The following MCF2L2 variants were observed in gnomAD, a reference collection of about 807,000 sequenced individuals.
MCF2L2 encodes the protein MCF.2 cell line derived transforming sequence-like 2.
In MCF2L2, 102 loss-of-function variants were observed where a neutral mutation model predicts 150.2. The ratio of observed to expected loss-of-function variants is 0.68; its 90% CI spans 0.58 to 0.80. MCF2L2 has a LOEUF of 0.80. Ranked by LOEUF, MCF2L2 falls within the 30% of genes least tolerant of loss-of-function variation. The pLI, the probability that MCF2L2 is intolerant of heterozygous loss-of-function variation, is 0.00. For synonymous variants in MCF2L2, 465 were observed against 491.3 expected, an observed-to-expected ratio of 0.95 and a Z score of 0.71; for missense variants, 1,256 against 1,372.8, an observed-to-expected ratio of 0.91 and a Z score of 1.34.
chr3:183,338,967 T>C (rs750289964), intron 4 of MCF2L2, 48 bp from the exon 5 acceptor site: 1 of 1,569,722 alleles, frequency 6.4e-7, no homozygotes, highest in Non-Finnish European at 8.7e-7. Context: ...AAATGTCATA[T>C]TCGTTACCAG....
chr3:183,367,967 T>G (rs996715443), intron 3 of MCF2L2, among the ~76,000 whole-genome samples: 1 of 152,238 alleles, frequency 6.6e-6, no homozygotes, highest in African/African-American at 2.4e-5. Flanking sequence ...GAAAACTGCA[T>G]GACATGGTGG....
At position 183,207,622 on chromosome 3, in the gene MCF2L2, T is replaced by TG; in HGVS notation, c.2697dup (p.Lys900GlnfsTer20). On this transcript the variant is annotated frameshift_variant, in exon 23 of 30. Coordinates refer to ENST00000328913, the MANE Select transcript of MCF2L2 (RefSeq NM_015078.4). LOFTEE classifies it high-confidence loss of function. ...ACTCCCTTTACCTTCATGGTCTTCT[T>TG]GAAGCTGTAATGAGGAGATAATCCC... The TG allele has an allele frequency of 6.2e-7, 1 of 1,613,718 alleles. No individual in the cohort carries two copies. The highest frequency in any genetic ancestry group is 1.6e-4 in the Middle Eastern group (1 of 6,062).
At chr3:183,322,174 C>A (rs911324764) in intron 6 of MCF2L2, among the ~76,000 whole-genome samples, 120 of 152,332 alleles carry the variant, frequency 7.9e-4, no homozygotes, top group African/African-American at 2.8e-3. Flanking sequence ...GAGTTTTGAT[C>A]TTTTTCCTCA....
At chr3:183,343,531 C>T (rs964103382) in intron 3 of MCF2L2, among the ~76,000 whole-genome samples, 6 of 152,084 alleles carry the variant, frequency 3.9e-5, no homozygotes, top group East Asian at 1.9e-4. Context: ...CCACCACACC[C>T]GGCTAATTTT....
intron 20 of MCF2L2, among the ~76,000 whole-genome samples, chr3:183,221,860 G>A (rs1723161524): frequency 6.6e-6 from 1 of 152,166 alleles, no homozygotes; most frequent in Non-Finnish European, 1.5e-5. Context: ...CTCCGCATGT[G>A]CTAATCATCT....
chr3:183,286,481 T>C (rs1256802633), intron 14 of MCF2L2, among the ~76,000 whole-genome samples: 2 of 152,242 alleles, frequency 1.3e-5, no homozygotes, highest in Non-Finnish European at 2.9e-5. Context: ...TTGTTGATGT[T>C]AGTCAATTGA....
At chr3:183,362,703 T>G (rs992019648) in intron 3 of MCF2L2, among the ~76,000 whole-genome samples, 1 of 151,710 alleles carries the variant, frequency 6.6e-6, no homozygotes, top group Non-Finnish European at 1.5e-5. Flanking sequence ...TTAGATACAC[T>G]AACAGAAGAT....
Position 183,270,980 on chromosome 3 carries a change from T to C in MCF2L2, c.1862+5892A>G. On this transcript the variant is annotated intron_variant, in intron 15 of 29. Transcript: ENST00000328913. This position sits in a 1 kb window ranked among gnomAD's most constrained non-coding sequence, Gnocchi z 4.5. ...GTTTTCACTGTCACTGAGTCAAACCTGGATGAAAAAAACCTTTAAATGTTC... is the reference window on the plus strand; with the variant it reads ...GTTTTCACTGTCACTGAGTCAAACCCGGATGAAAAAAACCTTTAAATGTTC... 1 of 1,495,216 alleles carries C rather than the reference T, an allele frequency of 6.7e-7. No individual in the cohort carries two copies. Among genetic ancestry groups the C allele is most frequent in the Non-Finnish European group, 8.9e-7 (1 of 1,117,758 alleles). 92.6% of individuals were successfully genotyped at this position (1,495,216 alleles called of 1,614,324 possible). A position where few individuals can be genotyped will look rare whatever the true frequency, so the allele number is the denominator to read the frequency against.
chr3:183,394,051 T>A (rs1714312344), intron 1 of MCF2L2, among the ~76,000 whole-genome samples: 1 of 152,042 alleles, frequency 6.6e-6, no homozygotes, highest in Non-Finnish European at 1.5e-5. Context: ...ATACCTAGGT[T>A]AAGGGGGAAA....
At chr3:183,387,579 A>G (rs1713903634) in intron 2 of MCF2L2, among the ~76,000 whole-genome samples, 1 of 152,258 alleles carries the variant, frequency 6.6e-6, no homozygotes, top group South Asian at 2.1e-4. Context: ...AGAAAAAAAG[A>G]GAAACACTTA....
chr3:183,300,986 G>C (rs1382529928), intron 10 of MCF2L2, among the ~76,000 whole-genome samples: 1 of 132,970 alleles, frequency 7.5e-6, no homozygotes, highest in Non-Finnish European at 1.5e-5. Flanking sequence ...CTGCACTCCA[G>C]CCTGGGTGAC....
intron 25 of MCF2L2, 46 bp from the exon 26 acceptor site, chr3:183,195,301 AT>A: frequency 1.5e-6 from 2 of 1,346,362 alleles, no homozygotes; most frequent in Non-Finnish European, 2.1e-6. Flanking sequence ...ATTTAAGCTA[AT>A]TTGAATTGAT....
At chr3:183,252,130 A>G (rs1267901745) in intron 15 of MCF2L2, among the ~76,000 whole-genome samples, 1 of 151,738 alleles carries the variant, frequency 6.6e-6, no homozygotes, top group East Asian at 1.9e-4. Flanking sequence ...ACATGGACCT[A>G]GCTCCAAATG....
In MCF2L2 at chr3:183,333,547, C is replaced by A. The variant is rs748256392; in HGVS notation, c.486+5253G>T. Among the ~76,000 whole-genome samples, 37 of 152,218 alleles carry A rather than the reference C, an allele frequency of 2.4e-4. 1 individual carries two copies. The highest frequency in any genetic ancestry group is 4.2e-4 in the South Asian group (2 of 4,814). On this transcript the variant is annotated intron_variant, in intron 5 of 29. Transcript: ENST00000328913. Reference sequence around the variant, plus strand: ...TCTTGTATATCTTGTGTATCCTTCTCAAGATGATCTATGCACAATCATACA... The same window carrying A: ...TCTTGTATATCTTGTGTATCCTTCTAAAGATGATCTATGCACAATCATACA...
intron 15 of MCF2L2, among the ~76,000 whole-genome samples, chr3:183,268,251 T>C (rs1726348929): frequency 6.6e-6 from 1 of 152,192 alleles, no homozygotes; most frequent in Non-Finnish European, 1.5e-5. Context: ...AGGCAGATCC[T>C]AAAGGGTCCT....
At chr3:183,426,493 C>T (rs1716173235) in intron 1 of MCF2L2, among the ~76,000 whole-genome samples, 2 of 152,180 alleles carry the variant, frequency 1.3e-5, no homozygotes, top group South Asian at 4.1e-4. Flanking sequence ...CACAAGTAGC[C>T]TTTGAGCTGA....
intron 5 of MCF2L2, among the ~76,000 whole-genome samples, chr3:183,337,636 G>A (rs1200406023): frequency 3.3e-5 from 5 of 151,816 alleles, no homozygotes; most frequent in Non-Finnish European, 5.9e-5. Flanking sequence ...ACTTTTATTG[G>A]CTACAAAGTA....
intron 22 of MCF2L2, among the ~76,000 whole-genome samples, chr3:183,209,984 A>C (rs1473934407): frequency 6.6e-6 from 1 of 152,152 alleles, no homozygotes; most frequent in Non-Finnish European, 1.5e-5. Flanking sequence ...ATTTTGGCTA[A>C]GGGATATTCA....
intron 10 of MCF2L2, among the ~76,000 whole-genome samples, chr3:183,303,633 A>T (rs373672867): frequency 2.6e-5 from 4 of 152,186 alleles, no homozygotes; most frequent in African/African-American, 9.6e-5. Flanking sequence ...ATGCCTTTCA[A>T]ATTCTGACCC....
Sources: allele counts gnomAD v4.1 joint callset (sites outside exome capture counted in the v4.1 genomes callset), GRCh38; gene constraint gnomAD v4.1.1; non-coding constraint Gnocchi (gnomAD v3.1); transcripts MANE v1.5; gene names NCBI Gene and HGNC (gene_info 2026-07-23, HGNC 2026-07-21).